Variants in METTL15 observed in about 807,000 individuals in gnomAD.
METTL15 encodes the protein 12S rRNA N(4)-cytidine methyltransferase METTL15.
A neutral mutation model predicts 38.3 loss-of-function variants in METTL15; 34 were observed. The observed-to-expected ratio is 0.89, with a 90% CI of 0.68 to 1.18. The LOEUF is 1.18. Ranked by LOEUF, METTL15 falls within the 50% of genes most tolerant of loss-of-function variation. METTL15 has a pLI of 0.00. For synonymous variants in METTL15, 162 were observed against 170.9 expected (o/e 0.95, Z 0.41); for missense variants, 438 against 498.4 (o/e 0.88, Z 1.15).
At chr11:28,520,307 T>C (rs1851754840) in intron 6 of METTL15, among the ~76,000 whole-genome samples, 1 of 151,862 alleles carries the variant, frequency 6.6e-6, no homozygotes, top group African/African-American at 2.4e-5. Flanking sequence ...GCCACTGCAC[T>C]CCAGCCTGAG....
At chr11:28,392,351 G>T (rs1297802026) in intron 5 of METTL15, among the ~76,000 whole-genome samples, 1 of 152,102 alleles carries the variant, frequency 6.6e-6, no homozygotes, top group African/African-American at 2.4e-5. Context: ...TAAGGCTAAA[G>T]TAATTAAAAC....
intron 3 of METTL15, among the ~76,000 whole-genome samples, chr11:28,162,071 C>G (rs1850485594): frequency 6.6e-6 from 1 of 152,038 alleles, no homozygotes; most frequent in African/African-American, 2.4e-5. Context: ...TCTCTCAAAT[C>G]CTCTGTAAAA....
chr11:28,111,819 A>G (rs932461159), intron 2 of METTL15, among the ~76,000 whole-genome samples: 8 of 152,238 alleles, frequency 5.3e-5, no homozygotes, highest in Non-Finnish European at 1.5e-5. Flanking sequence ...GTTAGCTATT[A>G]TTTTGTAAAC....
At chr11:28,197,077 A>G (rs1340891415) in intron 3 of METTL15, among the ~76,000 whole-genome samples, 3 of 151,814 alleles carry the variant, frequency 2.0e-5, no homozygotes, top group African/African-American at 7.2e-5. Flanking sequence ...TTTTTTTTCA[A>G]TTTGGGCTTG....
intron 3 of METTL15, among the ~76,000 whole-genome samples, chr11:28,138,313 G>A (rs1849582002): frequency 6.6e-6 from 1 of 152,118 alleles, no homozygotes; most frequent in African/African-American, 2.4e-5. Context: ...AAACATAAAG[G>A]CCTTTTAAAT....
At chr11:28,413,863 C>T (rs1850749892) in intron 5 of METTL15, among the ~76,000 whole-genome samples, 1 of 152,046 alleles carries the variant, frequency 6.6e-6, no homozygotes, top group South Asian at 2.1e-4. Context: ...TTCCGTGGTC[C>T]CTCTAATCTA....
chr11:28,165,197 T>C (rs1352643943), intron 3 of METTL15, among the ~76,000 whole-genome samples: 3 of 152,270 alleles, frequency 2.0e-5, no homozygotes, highest in African/African-American at 7.2e-5. Flanking sequence ...TTATCTTGTA[T>C]CATCTAGAAT....
chr11:28,422,732 CTA>C (rs1298353587), intron 5 of METTL15, among the ~76,000 whole-genome samples: 1 of 152,030 alleles, frequency 6.6e-6, no homozygotes, highest in Non-Finnish European at 1.5e-5. Context: ...AGACCACAAA[CTA>C]TGAAACTGCT....
chr11:28,468,028 G>A (rs892413396), intron 6 of METTL15, among the ~76,000 whole-genome samples: 2 of 151,252 alleles, frequency 1.3e-5, no homozygotes, highest in Non-Finnish European at 2.9e-5. Flanking sequence ...TCAAATGCTT[G>A]AACATAACAA....
chr11:28,348,920 A>G (rs975768196), intron 3 of METTL15, among the ~76,000 whole-genome samples: 11 of 152,102 alleles, frequency 7.2e-5, no homozygotes, highest in Non-Finnish European at 2.9e-5. Context: ...TTCCAGGCTC[A>G]TCACATTCTC....
intron 3 of METTL15, among the ~76,000 whole-genome samples, chr11:28,125,209 G>T (rs1335395855): frequency 6.6e-6 from 1 of 152,104 alleles, no homozygotes; most frequent in East Asian, 1.9e-4. Context: ...GAGTTTAAAG[G>T]CATGATTGAT....
Position 28,173,915 on chromosome 11 carries a change from G to T in METTL15, c.271-37147G>T, listed in dbSNP as rs560467000. ...ATGGGTTTCGGGGAGGAAGACTACA[G>T]AGGTAAAGTGCCATTTTCATTATGT... On this transcript the variant is annotated intron_variant, in intron 3 of 6. Coordinates refer to ENST00000407364, the MANE Select transcript of METTL15 (RefSeq NM_001113528.2). Among the ~76,000 whole-genome samples, 16 of 152,324 alleles carry T rather than the reference G, an allele frequency of 1.1e-4. No individual in the cohort carries two copies. The South Asian group carries it at 3.3e-3, about 32-fold the overall frequency.
chr11:28,371,076 G>T (rs998326684), intron 5 of METTL15, among the ~76,000 whole-genome samples: 4 of 151,886 alleles, frequency 2.6e-5, no homozygotes, highest in East Asian at 1.9e-4. Context: ...ATTTATTTTT[G>T]ATTTAGCTGC....
At chr11:28,487,048 GT>G (rs1337192198) in intron 6 of METTL15, among the ~76,000 whole-genome samples, 1 of 151,846 alleles carries the variant, frequency 6.6e-6, no homozygotes, top group Admixed American at 6.6e-5. Context: ...ATTGGCAAAG[GT>G]TTTTTTTAAG....
chr11:28,171,040 T>G (rs1305515808), intron 3 of METTL15, among the ~76,000 whole-genome samples: 1 of 152,190 alleles, frequency 6.6e-6, no homozygotes, highest in Admixed American at 6.6e-5. Context: ...TTCTGTCTTC[T>G]GGAGAAGCTG....
At chr11:28,524,385 C>T (rs1188351877) in intron 6 of METTL15, among the ~76,000 whole-genome samples, 3 of 152,130 alleles carry the variant, frequency 2.0e-5, no homozygotes, top group Non-Finnish European at 4.4e-5. Context: ...AAAGAGATTG[C>T]CTTGGAAGAT....
chr11:28,282,231 C>T (rs1856083083), intron 4 of METTL15, among the ~76,000 whole-genome samples: 1 of 152,186 alleles, frequency 6.6e-6, no homozygotes, highest in African/African-American at 2.4e-5. Flanking sequence ...TATTTGGTCT[C>T]TACCCAGATT....
chr11:28,385,591 G>C (rs1174703807), intron 5 of METTL15, among the ~76,000 whole-genome samples: 2 of 152,004 alleles, frequency 1.3e-5, no homozygotes, highest in Non-Finnish European at 2.9e-5. Context: ...TTCCAGCTTT[G>C]TTCTTTTTGC....
Position 28,330,468 on chromosome 11 carries a change from C to T in METTL15, c.851C>T (p.Thr284Ile), listed in dbSNP as rs764274954. 1.9e-5 allele frequency: 30 copies of T among 1,551,570 alleles called. 2 individuals are homozygous for T. In the South Asian group the frequency reaches 3.3e-4, roughly 17 times the overall value. ...CGATCTACCCATATTGCCACCAAGA[C>T]TTTCCAGGCTCTTCGCATATTTGTG... ...LQRSTHIATK[T>I]FQALRIFVNN... Residue 284 changes from threonine (T) to isoleucine (I), a missense_variant, in exon 7 of 7, where the codon ACT becomes ATT. Physicochemically the swap from Thr to Ile is moderately conservative, Grantham distance 89. Transcript: ENST00000407364.
Sources: gnomAD v4.1 joint callset for allele counts (sites outside exome capture counted in the v4.1 genomes callset) on GRCh38, gnomAD v4.1.1 for gene constraint, MANE v1.5 for transcripts, NCBI Gene and HGNC (gene_info 2026-07-23, HGNC 2026-07-21) for gene names.